Variants in CNTN1 observed in about 807,000 individuals in gnomAD.
CNTN1 encodes the protein contactin-1.
CNTN1 carries 38 observed loss-of-function variants against 126.4 expected under a neutral mutation model. The ratio of observed to expected loss-of-function variants is 0.30; its 90% CI spans 0.23 to 0.39. The LOEUF is 0.39. Among genes scored for constraint, CNTN1 ranks in the 10% least tolerant of loss-of-function variants. CNTN1 has a pLI of 1.00. For missense variants in CNTN1, 1,009 were observed against 1,248.4 expected (o/e 0.81, Z 2.89); for synonymous variants, 413 against 422.6 (o/e 0.98, Z 0.28).
At position 40,936,169 on chromosome 12, in the gene CNTN1, C is replaced by A. The variant is rs187620522; in HGVS notation, c.986-612C>A. Among the ~76,000 whole-genome samples, 310 of 152,100 alleles carry A rather than the reference C, an allele frequency of 2.0e-3. 1 individual carries two copies. Among genetic ancestry groups the A allele is most frequent in the Non-Finnish European group, 2.3e-3 (155 of 67,980 alleles). On this transcript the variant is annotated intron_variant, in intron 9 of 23. Transcript: ENST00000551295. ...TTTTTATGGATGTCTCTTTAGCTAT[C>A]AAGTAGATCAGACTAAAGAATGAGA...
intron 14 of CNTN1, among the ~76,000 whole-genome samples, chr12:40,958,451 C>T (rs1343692988): frequency 1.3e-5 from 2 of 151,516 alleles, no homozygotes; most frequent in Non-Finnish European, 2.9e-5. Context: ...TAACTATTAG[C>T]TATTTTTGGA....
In CNTN1 at chr12:40,712,141, A is replaced by G. The variant is rs571102273; in HGVS notation, c.-77+19549A>G. Among the ~76,000 whole-genome samples, 16 of 152,270 alleles carry G rather than the reference A, an allele frequency of 1.1e-4. No homozygotes were observed. The South Asian group carries it at 3.3e-3, about 32-fold the overall frequency. ...AGCTGCACTTTACTAGGTCACTAAA[A>G]TATCCTTATTTCATAAATTCTATGA... On this transcript the variant is annotated intron_variant, in intron 1 of 23. Coordinates refer to ENST00000551295, the MANE Select transcript of CNTN1 (RefSeq NM_001843.4).
At chr12:40,933,433 T>A (rs772600743) in intron 7 of CNTN1, 28 bp from the exon 8 acceptor site, 1 of 1,364,558 alleles carries the variant, frequency 7.3e-7, no homozygotes, top group African/African-American at 1.4e-5. Context: ...TAATAATTAG[T>A]GGATATTTGT....
At chr12:41,063,440 G>T (rs908246924) in intron 23 of CNTN1, among the ~76,000 whole-genome samples, 2 of 152,148 alleles carry the variant, frequency 1.3e-5, no homozygotes, top group Admixed American at 1.3e-4. Flanking sequence ...AACAAGTTTG[G>T]GAGATACTGA....
intron 1 of CNTN1, among the ~76,000 whole-genome samples, chr12:40,774,787 T>C (rs1225456900): frequency 1.3e-5 from 2 of 151,332 alleles, no homozygotes; most frequent in African/African-American, 4.8e-5. Flanking sequence ...ATTACCTTTC[T>C]CTAGTTTTTT....
intron 23 of CNTN1, among the ~76,000 whole-genome samples, chr12:41,060,247 C>A (rs998697208): frequency 2.6e-5 from 4 of 152,060 alleles, no homozygotes; most frequent in Non-Finnish European, 5.9e-5. Flanking sequence ...TTGCAAGGGA[C>A]AGTCTTTCTT....
At chr12:40,951,260 C>T (rs1356995795) in intron 14 of CNTN1, among the ~76,000 whole-genome samples, 1 of 152,012 alleles carries the variant, frequency 6.6e-6, no homozygotes, top group African/African-American at 2.4e-5. Context: ...TTGTTTATTA[C>T]ATACAAAAAT....
chr12:40,697,860 C>T (rs1020666624), intron 1 of CNTN1, among the ~76,000 whole-genome samples: 4 of 152,194 alleles, frequency 2.6e-5, no homozygotes, highest in African/African-American at 9.7e-5. Flanking sequence ...AGCCACAGGG[C>T]AGAATGCACT....
rs1475724708 is a variant in CNTN1 at position 41,025,603 on chromosome 12, C to T, written c.2710+267C>T. 2.0e-5 allele frequency among the ~76,000 whole-genome samples: 3 copies of T among 152,118 alleles called. No individual in the cohort carries two copies. In the East Asian group the frequency reaches 5.8e-4, roughly 29 times the overall value. ...AAGGCTGTCCTCTCAAATTCTGTGC[C>T]ATTAACTTGTCTTTACCCTGTACTT... is the stretch of plus-strand genomic sequence containing the variant. On this transcript the variant is annotated intron_variant, in intron 21 of 23. Coordinates refer to ENST00000551295, the MANE Select transcript of CNTN1 (RefSeq NM_001843.4).
At chr12:40,797,837 A>C (rs1478442883) in intron 1 of CNTN1, among the ~76,000 whole-genome samples, 1 of 151,984 alleles carries the variant, frequency 6.6e-6, no homozygotes, top group African/African-American at 2.4e-5. Flanking sequence ...AGAAAATATA[A>C]ACTATGACAT....
chr12:41,037,936 T>C (rs1949303144), intron 23 of CNTN1, among the ~76,000 whole-genome samples: 1 of 152,156 alleles, frequency 6.6e-6, no homozygotes, highest in Non-Finnish European at 1.5e-5. Flanking sequence ...GGTGGGTGGA[T>C]AACTTGAGGC....
chr12:40,879,937 A>G (rs1393454092), intron 1 of CNTN1, among the ~76,000 whole-genome samples: 1 of 152,164 alleles, frequency 6.6e-6, no homozygotes, highest in Admixed American at 6.6e-5. Context: ...TGCATGCTAC[A>G]TGAAAATAAA....
intron 1 of CNTN1, among the ~76,000 whole-genome samples, chr12:40,852,739 T>G (rs566552564): frequency 1.3e-5 from 2 of 152,168 alleles, no homozygotes; most frequent in East Asian, 3.9e-4. Flanking sequence ...TTCTCCTACC[T>G]CTGAAAAAAA....
At chr12:40,751,575 A>C (rs1415662747) in intron 1 of CNTN1, among the ~76,000 whole-genome samples, 1 of 152,082 alleles carries the variant, frequency 6.6e-6, no homozygotes, top group Non-Finnish European at 1.5e-5. Context: ...ATTACATCAC[A>C]AGAGGAAACC....
intron 3 of CNTN1, among the ~76,000 whole-genome samples, chr12:40,913,541 TACTA>T (rs1372151772): frequency 8.5e-5 from 13 of 152,224 alleles, no homozygotes; most frequent in Non-Finnish European, 1.5e-4. Flanking sequence ...AAATTGTGTT[TACTA>T]ACTAACAGAT....
At chr12:41,014,404 C>T (rs2120729576) in intron 18 of CNTN1, 106 bp downstream of exon 18, 1 of 1,102,170 alleles carries the variant, frequency 9.1e-7, no homozygotes, top group Admixed American at 1.9e-5. Context: ...CTGCCTACTG[C>T]ACAAGCAAGA....
At chr12:40,760,434 G>A (rs1250195800) in intron 1 of CNTN1, among the ~76,000 whole-genome samples, 1 of 151,216 alleles carries the variant, frequency 6.6e-6, no homozygotes, top group Non-Finnish European at 1.5e-5. Flanking sequence ...TACAAACACT[G>A]CTACCAACAT....
chr12:40,755,830 AT>A (rs1332380744), intron 1 of CNTN1, among the ~76,000 whole-genome samples: 1 of 152,056 alleles, frequency 6.6e-6, no homozygotes, highest in Non-Finnish European at 1.5e-5. Context: ...CCTTATTATT[AT>A]ATGGTACTTG....
Position 40,848,794 on chromosome 12 carries a change from T to C in CNTN1, c.-76-59563T>C, listed in dbSNP as rs537278742. Among the ~76,000 whole-genome samples the C allele has an allele frequency of 7.3e-5, 11 of 151,214 alleles. 1 individual carries two copies. In the South Asian group the frequency reaches 2.3e-3, roughly 32 times the overall value. ...TGAGTTATACATGATGGTTTTATAT[T>C]ATAGTTCAGACACTCTAGGGCACCA... is the stretch of plus-strand genomic sequence containing the variant. On this transcript the variant is annotated intron_variant, in intron 1 of 23. Coordinates refer to ENST00000551295, the MANE Select transcript of CNTN1 (RefSeq NM_001843.4).
Sources: gnomAD v4.1 joint callset for allele counts (sites outside exome capture counted in the v4.1 genomes callset) on GRCh38, gnomAD v4.1.1 for gene constraint, MANE v1.5 for transcripts, NCBI Gene and HGNC (gene_info 2026-07-23, HGNC 2026-07-21) for gene names.